M1AP: variants seen among roughly 807,000 people sequenced by gnomAD.
M1AP encodes the protein meiosis 1 associated protein, also known as meiosis 1 arrest protein.
M1AP carries 39 observed loss-of-function variants against 51.2 expected under a neutral mutation model. That is an observed-to-expected ratio of 0.76 (90% CI 0.59 to 1.00). The LOEUF (loss-of-function observed/expected upper bound fraction) is 1.00, where lower values mean the gene tolerates loss of function less well. M1AP is among the 50% of genes least tolerant of loss of function. The probability of loss-of-function intolerance (pLI) is 0.00; values close to 1 mark genes in which losing one functional copy is unlikely to be tolerated. For synonymous variants in M1AP, 251 were observed against 249.2 expected (o/e 1.01, Z -0.07); for missense variants, 545 against 641.2 (o/e 0.85, Z 1.62).
chr2:74,627,259 A>G (rs1304113519), intron 2 of M1AP, among the ~76,000 whole-genome samples: 1 of 152,090 alleles, frequency 6.6e-6, no homozygotes, highest in Non-Finnish European at 1.5e-5. Context: ...TAAGTATTTG[A>G]TCATTTTGGT....
intron 3 of M1AP, 113 bp downstream of exon 3, chr2:74,614,851 A>T: frequency 1.0e-6 from 1 of 981,960 alleles, no homozygotes; most frequent in Non-Finnish European, 1.5e-6. Context: ...TCTTGCTTTG[A>T]ATATTACATC....
At position 74,575,432 on chromosome 2, in the gene M1AP, A is replaced by G. The variant is rs375136912; in HGVS notation, c.1074+6T>C. Reference sequence around the variant, plus strand: ...TTCTTTTTCACCTGGGGACATGGGTACTCACCAGCAGGCTGTGACACAAAG... The same window carrying G: ...TTCTTTTTCACCTGGGGACATGGGTGCTCACCAGCAGGCTGTGACACAAAG... On this transcript the variant is annotated splice_donor_region_variant and intron_variant, in intron 7 of 10. Transcript: ENST00000421985. 2.4e-5 allele frequency: 38 copies of G among 1,613,652 alleles called. No homozygotes were observed. The highest frequency in any genetic ancestry group is 2.9e-5 in the Non-Finnish European group (34 of 1,179,992).
At chr2:74,615,572 A>G (rs1041355855) in intron 2 of M1AP, 2 of 181,378 alleles carry the variant, frequency 1.1e-5, no homozygotes, top group African/African-American at 4.7e-5. Flanking sequence ...TTTTCCCAGA[A>G]GTGAGAATTT....
chr2:74,622,851 A>C (rs1682143017), intron 2 of M1AP, among the ~76,000 whole-genome samples: 1 of 151,902 alleles, frequency 6.6e-6, no homozygotes, highest in Admixed American at 6.6e-5. Flanking sequence ...GATCGGAGTT[A>C]AAGCATTCTA....
chr2:74,616,431 C>T (rs750716244), intron 2 of M1AP, among the ~76,000 whole-genome samples: 9 of 152,088 alleles, frequency 5.9e-5, no homozygotes, highest in Non-Finnish European at 1.3e-4. Context: ...TGATACTCAC[C>T]ATTATTCAGT....
intron 5 of M1AP, among the ~76,000 whole-genome samples, chr2:74,578,055 T>C (rs1308857152): frequency 3.9e-5 from 6 of 152,202 alleles, no homozygotes; most frequent in Non-Finnish European, 8.8e-5. Context: ...TGGGCTTCTA[T>C]GAGAATCTAA....
intron 4 of M1AP, among the ~76,000 whole-genome samples, chr2:74,595,144 T>C (rs1680256519): frequency 6.6e-6 from 1 of 152,086 alleles, no homozygotes; most frequent in African/African-American, 2.4e-5. Context: ...GCCTTCCAAG[T>C]AGCTGGGACT....
chr2:74,622,234 G>C (rs953129633), intron 2 of M1AP, among the ~76,000 whole-genome samples: 1 of 151,916 alleles, frequency 6.6e-6, no homozygotes, highest in Non-Finnish European at 1.5e-5. Flanking sequence ...TGTTTTGCCT[G>C]TTTATTTTTT....
intron 5 of M1AP, among the ~76,000 whole-genome samples, chr2:74,579,521 GT>G (rs1396539185): frequency 2.0e-5 from 3 of 152,156 alleles, no homozygotes; most frequent in African/African-American, 7.2e-5. Context: ...CTAATTTTCT[GT>G]GCAGCCCTGG....
intron 10 of M1AP, among the ~76,000 whole-genome samples, 169 bp from the exon 11 acceptor site, chr2:74,559,043 G>T (rs1380592434): frequency 6.6e-6 from 1 of 152,212 alleles, no homozygotes; most frequent in African/African-American, 2.4e-5. Context: ...CCTCCACAGT[G>T]CCTGTCTCCT....
chr2:74,602,577 G>A (rs1680736065), intron 4 of M1AP, among the ~76,000 whole-genome samples: 1 of 152,130 alleles, frequency 6.6e-6, no homozygotes, highest in South Asian at 2.1e-4. Flanking sequence ...ATTTAGACTT[G>A]GGCAACCTAA....
chr2:74,609,948 T>C lies in M1AP; in HGVS notation c.427-2725A>G, dbSNP rs188555682. 2.7e-3 allele frequency among the ~76,000 whole-genome samples: 413 copies of C among 152,278 alleles called. 2 individuals are homozygous for C. Among genetic ancestry groups the C allele is most frequent in the South Asian group, 2.7e-3 (13 of 4,826 alleles). On this transcript the variant is annotated intron_variant, in intron 3 of 10. Transcript: ENST00000421985. ...ATATATTCCGGATATGAATCCCTTG[T>C]CAGATGCATAGTTTACAAATATTTT... is the stretch of plus-strand genomic sequence containing the variant.
At chr2:74,622,002 C>T (rs1682078124) in intron 2 of M1AP, among the ~76,000 whole-genome samples, 1 of 149,982 alleles carries the variant, frequency 6.7e-6, no homozygotes. Flanking sequence ...CACCTGTAAT[C>T]CCAGCTACTC....
intron 4 of M1AP, among the ~76,000 whole-genome samples, chr2:74,595,108 C>T (rs146463732): frequency 4.8e-4 from 73 of 152,140 alleles, no homozygotes; most frequent in African/African-American, 1.6e-3. Flanking sequence ...GACAGTGGAA[C>T]AACATCAAGC....
At chr2:74,601,179 T>C (rs1364042757) in intron 4 of M1AP, among the ~76,000 whole-genome samples, 4 of 152,138 alleles carry the variant, frequency 2.6e-5, no homozygotes, top group African/African-American at 7.2e-5. Flanking sequence ...CAAGGTTACA[T>C]AGTTCTAGAC....
At chr2:74,579,345 T>C (rs1347384753) in intron 5 of M1AP, among the ~76,000 whole-genome samples, 1 of 152,202 alleles carries the variant, frequency 6.6e-6, no homozygotes, top group Non-Finnish European at 1.5e-5. Flanking sequence ...TTGCTTAGCA[T>C]GAGGCAGGTT....
At position 74,576,606 on chromosome 2, in the gene M1AP, C is replaced by T; in HGVS notation, c.782G>A (p.Cys261Tyr). Residue 261 changes from cysteine to tyrosine, a missense_variant, in exon 6 of 11, where the codon TGT becomes TAT. Coordinates refer to ENST00000421985, the MANE Select transcript of M1AP (RefSeq NM_001321739.2). ...GCAGAGCAGTCGCTCTTGGAGATCA[C>T]ATTTCAGACACACTACAATAAAAGG... ...RPRDNPMCLK[C>Y]DLQERLLCPS... 6.2e-7 allele frequency: 1 copy of T among 1,613,992 alleles called. No individual in the cohort carries two copies. Among genetic ancestry groups the T allele is most frequent in the Non-Finnish European group, 8.5e-7 (1 of 1,179,928 alleles).
At chr2:74,610,174 G>C (rs538944522) in intron 3 of M1AP, among the ~76,000 whole-genome samples, 1 of 146,736 alleles carries the variant, frequency 6.8e-6, no homozygotes, top group South Asian at 2.1e-4. Context: ...GCTTATTTTT[G>C]TATTTTTTTT....
intron 3 of M1AP, among the ~76,000 whole-genome samples, chr2:74,609,253 TG>T (rs1681192639): frequency 6.6e-6 from 1 of 152,160 alleles, no homozygotes; most frequent in African/African-American, 2.4e-5. Flanking sequence ...TATTCAACTC[TG>T]TACTTCTATG....
Sources: gnomAD v4.1 joint callset for allele counts (sites outside exome capture counted in the v4.1 genomes callset) on GRCh38, gnomAD v4.1.1 for gene constraint, MANE v1.5 for transcripts, NCBI Gene and HGNC (gene_info 2026-07-23, HGNC 2026-07-21) for gene names.